Variants in CD47 observed in about 807,000 individuals in gnomAD.
CD47 encodes the protein CD47 molecule, also known as leukocyte surface antigen CD47.
In CD47, 11 loss-of-function variants were observed where a neutral mutation model predicts 44.6. The ratio of observed to expected loss-of-function variants is 0.25; its 90% CI spans 0.16 to 0.41. CD47 has a LOEUF of 0.41. CD47 is among the 10% of genes least tolerant of loss of function. The pLI, the probability that CD47 is intolerant of heterozygous loss-of-function variation, is 1.00. For synonymous variants in CD47, 140 were observed against 136.3 expected, an observed-to-expected ratio of 1.03 and a Z score of -0.19; for missense variants, 306 against 386.7, an observed-to-expected ratio of 0.79 and a Z score of 1.75.
chr3:108,080,300 T>C lies in CD47; in HGVS notation c.91A>G (p.Thr31Ala). ...ATGACGACAGTGTCATTACAAAACG[T>C]GAATTCTACAGATTTTGTTTTATTA... ...LFNKTKSVEF[T>A]FCNDTVVIPC... Residue 31 changes from threonine to alanine, a missense_variant, in exon 2 of 11, where the codon ACG becomes GCG. Transcript: ENST00000361309. The C allele has an allele frequency of 1.2e-6, 2 of 1,611,046 alleles. No individual in the cohort carries two copies. The highest frequency in any genetic ancestry group is 2.2e-5 in the East Asian group (1 of 44,842).
intron 1 of CD47, among the ~76,000 whole-genome samples, chr3:108,083,369 A>G (rs1454556470): frequency 6.6e-6 from 1 of 152,082 alleles, no homozygotes; most frequent in Non-Finnish European, 1.5e-5. Flanking sequence ...GACTCAATCC[A>G]TGGTGGTCAC....
chr3:108,083,693 A>G (rs1465021271), intron 1 of CD47, among the ~76,000 whole-genome samples: 1 of 151,922 alleles, frequency 6.6e-6, no homozygotes, highest in Non-Finnish European at 1.5e-5. Flanking sequence ...CCGGGCCTTC[A>G]ATCTTTACCA....
At position 108,050,524 on chromosome 3, in the gene CD47, G is replaced by C. The variant is rs138030754; in HGVS notation, c.934+54C>G. 1.6e-5 allele frequency: 13 copies of C among 815,282 alleles called. No individual in the cohort carries two copies. In the African/African-American group the frequency reaches 2.0e-4, roughly 12 times the overall value. The allele number at this position is 815,282 out of a possible 1,614,324, so 50.5% of individuals were successfully genotyped here. ...AGACAGGGCATTCTAACTGTTTTGC[G>C]GGCCAGATCAAATTATGATCTGGTA... On this transcript the variant is annotated intron_variant, in intron 9 of 10. Transcript: ENST00000361309.
chr3:108,064,986 T>C (rs1443020254), intron 3 of CD47, among the ~76,000 whole-genome samples: 1 of 152,224 alleles, frequency 6.6e-6, no homozygotes, highest in African/African-American at 2.4e-5. Flanking sequence ...CTAATACACT[T>C]ATTTAACACA....
rs767079282 is a variant in CD47, at chr3:108,047,260, C to G, written c.*28G>C. The G allele has an allele frequency of 6.3e-7, 1 of 1,595,936 alleles. No homozygotes were observed. The highest frequency in any genetic ancestry group is 1.7e-5 in the Admixed American group (1 of 59,500). On this transcript the variant is annotated 3_prime_UTR_variant, in exon 11 of 11. Coordinates refer to ENST00000361309, the MANE Select transcript of CD47 (RefSeq NM_001777.4). ...ATTCCTTTCACGTCTTACTACTCTC[C>G]AAATCGGAGTCCATCACTTCACTTC... is the stretch of plus-strand genomic sequence containing the variant.
At chr3:108,066,464 A>G (rs1348739710) in intron 3 of CD47, among the ~76,000 whole-genome samples, 1 of 152,204 alleles carries the variant, frequency 6.6e-6, no homozygotes, top group Non-Finnish European at 1.5e-5. Context: ...TTCAAAAATA[A>G]CTATGTAAAT....
intron 1 of CD47, among the ~76,000 whole-genome samples, chr3:108,086,041 A>C (rs2079514908): frequency 6.6e-6 from 1 of 152,122 alleles, no homozygotes; most frequent in Non-Finnish European, 1.5e-5. Context: ...ATGAGTAAGA[A>C]TGTTATGGGA....
chr3:108,066,027 T>C (rs113717101), intron 3 of CD47, among the ~76,000 whole-genome samples: 1,871 of 152,274 alleles, frequency 0.012, 34 homozygotes, highest in African/African-American at 0.043. Flanking sequence ...AGAAATTTCC[T>C]GTTCCATTAC....
chr3:108,084,848 T>TA (rs999164886), intron 1 of CD47, among the ~76,000 whole-genome samples: 1 of 152,020 alleles, frequency 6.6e-6, no homozygotes. Context: ...ATGAATGAAT[T>TA]AGACACTCAT....
chr3:108,075,011 G>T (rs1345619745), intron 2 of CD47, among the ~76,000 whole-genome samples: 3 of 152,202 alleles, frequency 2.0e-5, no homozygotes, highest in Non-Finnish European at 4.4e-5. Flanking sequence ...GGGAGAGTGA[G>T]ACATGATACT....
intron 3 of CD47, among the ~76,000 whole-genome samples, chr3:108,064,154 G>A (rs1215586259): frequency 6.6e-6 from 1 of 152,124 alleles, no homozygotes; most frequent in Non-Finnish European, 1.5e-5. Flanking sequence ...ATAATTGATT[G>A]AGCACTATCC....
At chr3:108,073,010 A>C (rs2079236504) in intron 2 of CD47, among the ~76,000 whole-genome samples, 2 of 127,916 alleles carry the variant, frequency 1.6e-5, no homozygotes, top group Non-Finnish European at 1.6e-5. Context: ...CCCCCACTAA[A>C]CTCCCCCTCT....
chr3:108,080,052 A>G lies in CD47; in HGVS notation c.339T>C (p.Thr113=). 6.2e-7 allele frequency: 1 copy of G among 1,612,892 alleles called. No individual in the cohort carries two copies. The highest frequency in any genetic ancestry group is 8.5e-7 in the Non-Finnish European group (1 of 1,179,130). Residue 113 remains threonine, a synonymous_variant, in exon 2 of 11, where the codon ACT becomes ACC. Transcript: ENST00000361309. The part of the protein sequence containing the change: ...SDAVSHTGNY[T]CEVTELTREG... Reference sequence around the variant, plus strand: ...CTCTGGTTAATTCTGTTACTTCACAAGTGTAGTTTCCTGTGTGTGAGACAG... The same window carrying G: ...CTCTGGTTAATTCTGTTACTTCACAGGTGTAGTTTCCTGTGTGTGAGACAG...
intron 1 of CD47, among the ~76,000 whole-genome samples, chr3:108,088,871 G>C (rs1004337582): frequency 4.6e-5 from 7 of 152,196 alleles, no homozygotes; most frequent in Non-Finnish European, 8.8e-5. Context: ...CATGAAATGA[G>C]TATCTGAGAT....
intron 3 of CD47, among the ~76,000 whole-genome samples, chr3:108,061,371 G>A (rs555857953): frequency 1.3e-5 from 2 of 151,930 alleles, no homozygotes; most frequent in African/African-American, 4.8e-5. Context: ...TAACAATATT[G>A]AGAAAAAGAG....
intron 3 of CD47, among the ~76,000 whole-genome samples, chr3:108,067,948 A>T (rs2079132286): frequency 6.6e-6 from 1 of 152,190 alleles, no homozygotes; most frequent in South Asian, 2.1e-4. Flanking sequence ...GTCTTTACTG[A>T]AAGTTTAGCC....
chr3:108,078,332 G>A (rs575783985), intron 2 of CD47, among the ~76,000 whole-genome samples: 13 of 151,902 alleles, frequency 8.6e-5, no homozygotes, highest in Non-Finnish European at 1.2e-4. Context: ...TCAATCACAC[G>A]CAAAATAATA....
chr3:108,060,676 G>A, intron 4 of CD47, 69 bp downstream of exon 4: 1 of 1,010,480 alleles, frequency 9.9e-7, no homozygotes. Context: ...GGAAACTAAT[G>A]CAGCCCTCCT....
At chr3:108,050,441 G>A (rs1353010234) in intron 9 of CD47, 137 bp downstream of exon 9, 2 of 622,596 alleles carry the variant, frequency 3.2e-6, no homozygotes, top group Non-Finnish European at 5.8e-6. Flanking sequence ...ATAATCAAGA[G>A]TAGAGATGCC....
Sources: gnomAD v4.1 joint callset for allele counts (sites outside exome capture counted in the v4.1 genomes callset) on GRCh38, gnomAD v4.1.1 for gene constraint, MANE v1.5 for transcripts, NCBI Gene and HGNC (gene_info 2026-07-23, HGNC 2026-07-21) for gene names.